The following SPAG16 variants were observed in gnomAD, a reference collection of about 807,000 sequenced individuals.
SPAG16 encodes the protein sperm-associated antigen 16 protein.
In SPAG16, 86 loss-of-function variants were observed where a neutral mutation model predicts 80.4. The ratio of observed to expected loss-of-function variants is 1.07; its 90% CI spans 0.90 to 1.28. The LOEUF is 1.28. SPAG16 is among the 50% of genes most tolerant of loss of function. The probability of loss-of-function intolerance (pLI) is 0.00; values close to 1 mark genes in which losing one functional copy is unlikely to be tolerated. For missense variants in SPAG16, 870 were observed against 765.3 expected (o/e 1.14, Z -1.61); for synonymous variants, 294 against 265.9 (o/e 1.11, Z -1.03).
At chr2:214,222,110 C>CTTTTTTTTTT (rs10694178) in intron 15 of SPAG16, among the ~76,000 whole-genome samples, 12 of 103,626 alleles carry the variant, frequency 1.2e-4, no homozygotes, top group East Asian at 2.9e-4. Flanking sequence ...CCTTGCTATT[C>CTTTTTTTTTT]TTTTTTTTTT....
chr2:213,599,960 A>G (rs2061006919), intron 10 of SPAG16, among the ~76,000 whole-genome samples: 2 of 152,180 alleles, frequency 1.3e-5, no homozygotes, highest in Admixed American at 6.5e-5. Context: ...TGCTGGGATT[A>G]CAGGCATGAG....
chr2:213,867,713 G>A (rs2075747701), intron 11 of SPAG16, among the ~76,000 whole-genome samples: 1 of 151,740 alleles, frequency 6.6e-6, no homozygotes, highest in Admixed American at 6.6e-5. Context: ...ATGAGGTCAG[G>A]AGATCAAGAC....
At chr2:213,972,136 A>G (rs989539432) in intron 12 of SPAG16, among the ~76,000 whole-genome samples, 1 of 151,634 alleles carries the variant, frequency 6.6e-6, no homozygotes, top group Non-Finnish European at 1.5e-5. Context: ...TTTGAATTGC[A>G]TTTTCCTAAT....
At chr2:213,698,900 A>T (rs754672062) in intron 10 of SPAG16, among the ~76,000 whole-genome samples, 13 of 152,204 alleles carry the variant, frequency 8.5e-5, no homozygotes, top group Non-Finnish European at 1.8e-4. Context: ...AACCCACTAA[A>T]CTGTATTAAT....
At chr2:214,046,099 G>GA (rs931674641) in intron 13 of SPAG16, among the ~76,000 whole-genome samples, 2 of 151,980 alleles carry the variant, frequency 1.3e-5, no homozygotes, top group Admixed American at 6.6e-5. Flanking sequence ...TGAAAACCTA[G>GA]AAAAAAATGG....
chr2:214,247,012 G>T (rs1450147473), intron 15 of SPAG16, among the ~76,000 whole-genome samples: 1 of 152,004 alleles, frequency 6.6e-6, no homozygotes, highest in African/African-American at 2.4e-5. Context: ...AAAATAAAAT[G>T]TTTTTTAGTT....
At chr2:213,860,096 A>C (rs2075357183) in intron 10 of SPAG16, among the ~76,000 whole-genome samples, 2 of 152,110 alleles carry the variant, frequency 1.3e-5, no homozygotes, top group South Asian at 4.2e-4. Context: ...ATAGCCCTTA[A>C]ACTGCTTCCC....
At chr2:213,619,104 G>A (rs1574515142) in intron 10 of SPAG16, among the ~76,000 whole-genome samples, 1 of 152,132 alleles carries the variant, frequency 6.6e-6, no homozygotes, top group Non-Finnish European at 1.5e-5. Flanking sequence ...AGTCTCAAGA[G>A]TGTTTAAATT....
chr2:214,004,448 C>T (rs748137675), intron 12 of SPAG16, among the ~76,000 whole-genome samples: 2 of 152,090 alleles, frequency 1.3e-5, no homozygotes, highest in Admixed American at 6.6e-5. Context: ...GAATGGCTTT[C>T]AGGTCCTTTG....
At chr2:214,117,739 A>C (rs2054010737) in intron 14 of SPAG16, among the ~76,000 whole-genome samples, 1 of 152,244 alleles carries the variant, frequency 6.6e-6, no homozygotes, top group African/African-American at 2.4e-5. Flanking sequence ...ACATTAACAG[A>C]ATGAAAGACA....
chr2:213,757,267 T>G lies in SPAG16; in HGVS notation c.1071-105218T>G, dbSNP rs190466199. 3.9e-5 allele frequency among the ~76,000 whole-genome samples: 6 copies of G among 152,146 alleles called. No homozygotes were observed. The East Asian group carries it at 1.2e-3, about 29-fold the overall frequency. On this transcript the variant is annotated intron_variant, in intron 10 of 15. Transcript: ENST00000331683. ...CATGAATTAGATGACTTAATATTGT[T>G]GTCCATACTACTTAAAGCTATCCAC...
At chr2:213,447,580 C>T (rs1696103583) in intron 9 of SPAG16, among the ~76,000 whole-genome samples, 2 of 152,230 alleles carry the variant, frequency 1.3e-5, no homozygotes, top group South Asian at 2.1e-4. Context: ...CTAGGCCCCT[C>T]GGATTGCTTC....
At chr2:214,244,548 C>T (rs1407170829) in intron 15 of SPAG16, among the ~76,000 whole-genome samples, 3 of 151,900 alleles carry the variant, frequency 2.0e-5, no homozygotes, top group Non-Finnish European at 4.4e-5. Context: ...AACAAACCCA[C>T]AAAAAATCAT....
chr2:213,715,222 G>GTCTATCTGTCTATCTA (rs2066177106), intron 10 of SPAG16, among the ~76,000 whole-genome samples: 1 of 110,460 alleles, frequency 9.1e-6, no homozygotes, highest in Non-Finnish European at 2.2e-5. Context: ...AGATCTATCT[G>GTCTATCTGTCTATCTA]TCTATCTATC....
intron 10 of SPAG16, among the ~76,000 whole-genome samples, chr2:213,830,703 T>C (rs2073584724): frequency 6.6e-6 from 1 of 152,196 alleles, no homozygotes; most frequent in African/African-American, 2.4e-5. Flanking sequence ...CACCAACTAC[T>C]TGACATTATC....
At chr2:213,997,108 T>C (rs2046558650) in intron 12 of SPAG16, among the ~76,000 whole-genome samples, 1 of 152,214 alleles carries the variant, frequency 6.6e-6, no homozygotes, top group Non-Finnish European at 1.5e-5. Flanking sequence ...CTACATATGC[T>C]GACTTAGGAA....
intron 10 of SPAG16, among the ~76,000 whole-genome samples, chr2:213,776,595 A>G (rs1272350968): frequency 6.6e-6 from 1 of 152,214 alleles, no homozygotes; most frequent in African/African-American, 2.4e-5. Context: ...AATTCTGAAT[A>G]TCAATTTGTA....
intron 10 of SPAG16, among the ~76,000 whole-genome samples, chr2:213,644,441 G>A (rs1249918448): frequency 1.3e-5 from 2 of 152,066 alleles, no homozygotes; most frequent in Non-Finnish European, 2.9e-5. Flanking sequence ...AAAGATTTAG[G>A]TATTTATTTT....
In SPAG16 at chr2:214,174,974, G is replaced by A. The variant is rs1462780180; in HGVS notation, c.1720+25708G>A. Among the ~76,000 whole-genome samples the A allele has an allele frequency of 2.6e-5, 4 of 151,404 alleles. 1 individual carries two copies. Among genetic ancestry groups the A allele is most frequent in the Non-Finnish European group, 4.4e-5 (3 of 67,710 alleles). On this transcript the variant is annotated intron_variant, in intron 15 of 15. Transcript: ENST00000331683. ...ATTCCTTGGCATAGTAGCCATTTTC[G>A]AGCCACAACTCTACCCTGCAGAAGC...
Sources: allele counts gnomAD v4.1 joint callset (sites outside exome capture counted in the v4.1 genomes callset), GRCh38; gene constraint gnomAD v4.1.1; transcripts MANE v1.5; gene names NCBI Gene and HGNC (gene_info 2026-07-23, HGNC 2026-07-21).